The following STOX2 variants were observed in gnomAD, a reference collection of about 807,000 sequenced individuals.
STOX2 encodes storkhead-box protein 2.
STOX2 carries 28 observed loss-of-function variants against 60.9 expected under a neutral mutation model. The observed-to-expected ratio is 0.46, with a 90% CI of 0.34 to 0.63. STOX2 has a LOEUF of 0.63. Ranked by LOEUF, STOX2 falls within the 30% of genes least tolerant of loss-of-function variation. STOX2 has a pLI of 0.01. For synonymous variants in STOX2, 472 were observed against 463.9 expected (o/e 1.02, Z -0.22); for missense variants, 1,024 against 1,187.7 (o/e 0.86, Z 2.03).
At position 183,865,614 on chromosome 4, in the gene STOX2, T is replaced by C. The variant is rs1418679782; in HGVS notation, c.364+67559T>C. ...TCAGGTGAGTCTGCAGGACCGTAGATAGAAAGAATTTATGGGATGTAAAGA... is the reference window on the plus strand; with the variant it reads ...TCAGGTGAGTCTGCAGGACCGTAGACAGAAAGAATTTATGGGATGTAAAGA... On this transcript the variant is annotated intron_variant, in intron 1 of 2. Coordinates refer to the STOX2 transcript ENST00000513034. This position sits in a 1 kb window ranked among gnomAD's most constrained non-coding sequence, Gnocchi z 4.1. 5.9e-5 allele frequency among the ~76,000 whole-genome samples: 9 copies of C among 152,096 alleles called. No homozygotes were observed. Among genetic ancestry groups the C allele is most frequent in the Admixed American group, 1.3e-4 (2 of 15,268 alleles).
In STOX2 at chr4:183,836,658, T is replaced by C. The variant is rs1739715394; in HGVS notation, c.364+38603T>C. Among the ~76,000 whole-genome samples the C allele has an allele frequency of 6.6e-6, 1 of 152,140 alleles. No individual in the cohort carries two copies. The highest frequency in any genetic ancestry group is 1.5e-5 in the Non-Finnish European group (1 of 68,026). On this transcript the variant is annotated intron_variant, in intron 1 of 2. Coordinates refer to the STOX2 transcript ENST00000513034. The surrounding 1 kb of genome is among the most constrained non-coding windows in gnomAD (Gnocchi z 4.1). Reference sequence around the variant, plus strand: ...CTGGGAAGGGGTGACCTGGTATTAGTGAGCATCAGCAGTGTCCATCGCAGT... The same window carrying C: ...CTGGGAAGGGGTGACCTGGTATTAGCGAGCATCAGCAGTGTCCATCGCAGT...
chr4:183,870,352 A>T (rs1740661095), intron 1 of STOX2, among the ~76,000 whole-genome samples: 1 of 152,218 alleles, frequency 6.6e-6, no homozygotes, highest in Non-Finnish European at 1.5e-5. Flanking sequence ...CAACCCTAAA[A>T]CCATTTCTTT....
rs73870925 is a variant in STOX2 at position 183,858,902 on chromosome 4, C to T, written c.364+60847C>T. Among the ~76,000 whole-genome samples, 1,258 of 152,216 alleles carry T rather than the reference C, an allele frequency of 8.3e-3. 20 individuals are homozygous for T. Among genetic ancestry groups the T allele is most frequent in the African/African-American group, 0.027 (1,139 of 41,518 alleles). ...GAAGCAATTTGCCCCTTCATCTCTA[C>T]GTCATTTCAGTGTACTGTACACACC... On this transcript the variant is annotated intron_variant, in intron 1 of 2. Transcript: ENST00000513034.
intron 1 of STOX2, among the ~76,000 whole-genome samples, chr4:183,923,419 T>G (rs1182390385): frequency 6.6e-6 from 1 of 152,224 alleles, no homozygotes; most frequent in Non-Finnish European, 1.5e-5. Flanking sequence ...AGAAGAAAAC[T>G]GGAGTGATCT....
intron 1 of STOX2, among the ~76,000 whole-genome samples, chr4:183,851,193 A>G (rs1210328341): frequency 5.1e-5 from 3 of 58,324 alleles, no homozygotes; most frequent in African/African-American, 1.3e-4. Flanking sequence ...TGAGAAAAAG[A>G]ATGAGAGAAA....
chr4:183,961,969 T>C (rs1252889130), intron 1 of STOX2, among the ~76,000 whole-genome samples: 1 of 152,240 alleles, frequency 6.6e-6, no homozygotes, highest in Non-Finnish European at 1.5e-5. Flanking sequence ...GTCCTTTGTC[T>C]AAAACAAAGC....
At chr4:183,918,161 G>T (rs1284566545) in intron 1 of STOX2, among the ~76,000 whole-genome samples, 1 of 152,180 alleles carries the variant, frequency 6.6e-6, no homozygotes, top group Admixed American at 6.5e-5. Context: ...GGCTTTAAAT[G>T]GGATTCTTCG....
At chr4:183,978,235 T>C (rs924681326) in intron 1 of STOX2, among the ~76,000 whole-genome samples, 1 of 152,222 alleles carries the variant, frequency 6.6e-6, no homozygotes, top group African/African-American at 2.4e-5. Flanking sequence ...GTTTCAGGTC[T>C]TACATTTAAA....
chr4:183,823,732 G>T (rs532033550), intron 1 of STOX2, among the ~76,000 whole-genome samples: 1 of 152,186 alleles, frequency 6.6e-6, no homozygotes, highest in African/African-American at 2.4e-5. Flanking sequence ...AGGCTGCCGC[G>T]GGTTTGAAAA....
At chr4:183,931,824 A>T (rs1300964856) in intron 1 of STOX2, among the ~76,000 whole-genome samples, 1 of 152,218 alleles carries the variant, frequency 6.6e-6, no homozygotes, top group Non-Finnish European at 1.5e-5. Context: ...TACCCTATGC[A>T]TGAGGGTAAG....
Position 183,927,945 on chromosome 4 carries a change from C to T in STOX2, c.166+20989C>T, listed in dbSNP as rs537502446. ...TGGCCGGGAAACAAACCTGGCTCTGCGCCCCTCCTTGCTGTGGTCGGATGG... is the reference window on the plus strand; with the variant it reads ...TGGCCGGGAAACAAACCTGGCTCTGTGCCCCTCCTTGCTGTGGTCGGATGG... On this transcript the variant is annotated intron_variant, in intron 1 of 3. Transcript: ENST00000308497. 1.2e-3 allele frequency among the ~76,000 whole-genome samples: 189 copies of T among 152,300 alleles called. 2 individuals carry two copies. The highest frequency in any genetic ancestry group is 2.1e-3 in the Admixed American group (32 of 15,292).
intron 1 of STOX2, among the ~76,000 whole-genome samples, chr4:183,893,001 T>C (rs1319774218): frequency 2.0e-5 from 3 of 152,202 alleles, no homozygotes; most frequent in Non-Finnish European, 4.4e-5. Flanking sequence ...TGGTGATGTG[T>C]AAGCACAGAG....
intron 3 of STOX2, among the ~76,000 whole-genome samples, chr4:184,016,557 T>C (rs1247839021): frequency 1.3e-5 from 2 of 152,178 alleles, no homozygotes; most frequent in African/African-American, 2.4e-5. Context: ...TTAAAGTGAA[T>C]TTTATTCCCA....
At chr4:183,863,026 T>C (rs1201195804) in intron 1 of STOX2, among the ~76,000 whole-genome samples, 1 of 152,192 alleles carries the variant, frequency 6.6e-6, no homozygotes, top group Admixed American at 6.5e-5. Flanking sequence ...GTTGCTCATG[T>C]CATCGTAGTT....
At chr4:183,829,975 C>T (rs750998035) in intron 1 of STOX2, among the ~76,000 whole-genome samples, 2 of 152,192 alleles carry the variant, frequency 1.3e-5, no homozygotes, top group Non-Finnish European at 2.9e-5. Flanking sequence ...ACTGGGCCTG[C>T]TCCCTCTTCT....
rs1200055338 is a variant in STOX2 at position 184,009,404 on chromosome 4, G to C, written c.566G>C (p.Arg189Thr). 2 of 1,613,936 alleles carry C rather than the reference G, an allele frequency of 1.2e-6. No individual in the cohort carries two copies. Among genetic ancestry groups the C allele is most frequent in the Admixed American group, 3.3e-5 (2 of 60,012 alleles). Residue 189 changes from arginine (R) to threonine (T), a missense_variant, in exon 3 of 4, where the codon AGG (arginine) becomes ACG (threonine). Physicochemically the swap from Arg to Thr is moderately conservative, Grantham distance 71. Around this residue, in one of 3 missense-constraint regions of STOX2, gnomAD observed 922 missense variants for 1,058.3 expected, o/e 0.87. Coordinates refer to ENST00000308497, the MANE Select transcript of STOX2 (RefSeq NM_020225.3). The surrounding 1 kb of genome is among the most constrained non-coding windows in gnomAD (Gnocchi z 4.0). Reference protein sequence around the residue: ...TPSASGCVRERTLPRNHCDSC... With the variant: ...TPSASGCVRETTLPRNHCDSC... ...TCTGCCTCAGGCTGTGTCAGGGAAA[G>C]GACATTGCCCCGAAACCACTGCGAC...
At chr4:183,854,335 C>T (rs1740236186) in intron 1 of STOX2, among the ~76,000 whole-genome samples, 2 of 152,292 alleles carry the variant, frequency 1.3e-5, no homozygotes, top group Admixed American at 6.5e-5. Flanking sequence ...GACATTATAA[C>T]TTGGGCCAAT....
rs777187387 is a variant in STOX2, at chr4:184,010,765, G to T, written c.1927G>T (p.Val643Phe). The change falls in exon 3 of 4, where the codon GTC becomes TTC. Residue 643 changes from valine (V) to phenylalanine (F), a missense_variant. Val to Phe is a conservative substitution (Grantham distance 50). Around this residue, in one of 3 missense-constraint regions of STOX2, gnomAD observed 922 missense variants for 1,058.3 expected, o/e 0.87. Transcript: ENST00000308497. This position sits in a 1 kb window ranked among gnomAD's most constrained non-coding sequence, Gnocchi z 4.5. ...AAAGCTCTCCCCTTCTGATAGGCAG[G>T]TCCCCCACTCCTCCAGGGAGCCTGT... ...VKKLSPSDRQ[V>F]PHSSREPVGH... The T allele has an allele frequency of 5.7e-6, 9 of 1,582,030 alleles. No homozygotes were observed. The highest frequency in any genetic ancestry group is 4.7e-5 in the South Asian group (4 of 84,308).
At chr4:183,896,114 A>G (rs1741334322) in intron 1 of STOX2, among the ~76,000 whole-genome samples, 1 of 152,204 alleles carries the variant, frequency 6.6e-6, no homozygotes, top group Admixed American at 6.5e-5. Flanking sequence ...TGTGTGGTGC[A>G]CATTGTGACA....
Sources: gnomAD v4.1 joint callset for allele counts (sites outside exome capture counted in the v4.1 genomes callset) on GRCh38, gnomAD v4.1.1 for gene constraint, gnomAD v4.1.1 regional missense constraint, Gnocchi (gnomAD v3.1) non-coding constraint, MANE v1.5 for transcripts, NCBI Gene and HGNC (gene_info 2026-07-23, HGNC 2026-07-21) for gene names.